The following RARB variants were observed in gnomAD, a reference collection of about 807,000 sequenced individuals.
The protein encoded by RARB is HBV-activated protein.
A neutral mutation model predicts 51.9 loss-of-function variants in RARB; 17 were observed. That is an observed-to-expected ratio of 0.33 (90% CI 0.22 to 0.49). The LOEUF (loss-of-function observed/expected upper bound fraction) is 0.49. Ranked by LOEUF, RARB falls within the 20% of genes least tolerant of loss-of-function variation. The pLI, the probability that RARB is intolerant of heterozygous loss-of-function variation, is 0.99. For missense variants in RARB, 369 were observed against 550.8 expected, an observed-to-expected ratio of 0.67 and a Z score of 3.30; for synonymous variants, 215 against 195.4, an observed-to-expected ratio of 1.10 and a Z score of -0.84.
chr3:24,830,766 C>G (rs1226777333), intron 1 of RARB, among the ~76,000 whole-genome samples: 1 of 151,074 alleles, frequency 6.6e-6, no homozygotes, highest in Non-Finnish European at 1.5e-5. Flanking sequence ...GAGGTAGGAG[C>G]GGGAGAAAGA....
At chr3:25,395,901 C>A (rs1707100994) in intron 5 of RARB, among the ~76,000 whole-genome samples, 1 of 152,120 alleles carries the variant, frequency 6.6e-6, no homozygotes, top group Non-Finnish European at 1.5e-5. Flanking sequence ...TGCTGGTGAA[C>A]TAGTGTGATC....
intron 2 of RARB, among the ~76,000 whole-genome samples, chr3:24,911,425 G>A (rs1197719190): frequency 6.6e-6 from 1 of 152,170 alleles, no homozygotes; most frequent in Non-Finnish European, 1.5e-5. Flanking sequence ...GCTGACATCT[G>A]AAAGAAAACT....
intron 5 of RARB, among the ~76,000 whole-genome samples, chr3:25,197,554 A>G (rs1575212161): frequency 6.6e-6 from 1 of 152,070 alleles, no homozygotes; most frequent in Admixed American, 6.6e-5. Flanking sequence ...TAAAAACTCC[A>G]CCAAAAAACT....
chr3:25,012,050 T>G (rs1697410286), intron 2 of RARB, among the ~76,000 whole-genome samples: 2 of 152,112 alleles, frequency 1.3e-5, no homozygotes, highest in African/African-American at 4.8e-5. Flanking sequence ...GTACTTTTAA[T>G]TCAACATATA....
chr3:24,862,434 T>C (rs1702769632), intron 2 of RARB, among the ~76,000 whole-genome samples: 1 of 152,296 alleles, frequency 6.6e-6, no homozygotes, highest in East Asian at 1.9e-4. Flanking sequence ...TCCACAGTTC[T>C]GGTTACCCAT....
rs115832228 is a variant in RARB, at chr3:25,288,303, T to C, written c.178+113728T>C. ...ATAAAAACAGCAGCAAAAGAAATCA[T>C]CTAGTGAAACTTTGGAACTGAGTTC... On this transcript the variant is annotated intron_variant, in intron 5 of 11. Transcript: ENST00000383772. Among the ~76,000 whole-genome samples the C allele has an allele frequency of 6.3e-3, 963 of 152,242 alleles. 12 individuals are homozygous for C. The highest frequency in any genetic ancestry group is 0.021 in the African/African-American group (857 of 41,536).
intron 3 of RARB, among the ~76,000 whole-genome samples, chr3:25,504,323 C>G (rs1055421128): frequency 3.3e-5 from 5 of 152,088 alleles, no homozygotes; most frequent in Non-Finnish European, 7.4e-5. Context: ...ATCTATTGAC[C>G]CAGCAAAAAG....
chr3:25,186,655 G>T (rs528320613), intron 5 of RARB, among the ~76,000 whole-genome samples: 1 of 152,040 alleles, frequency 6.6e-6, no homozygotes, highest in Non-Finnish European at 1.5e-5. Context: ...GAATGGAAAT[G>T]AATGAAATGA....
At chr3:24,922,869 A>G (rs1333605942) in intron 2 of RARB, among the ~76,000 whole-genome samples, 1 of 152,210 alleles carries the variant, frequency 6.6e-6, no homozygotes, top group Non-Finnish European at 1.5e-5. Context: ...AGACCCTTAG[A>G]GTCTTCATGG....
At chr3:24,984,703 C>T (rs1696749990) in intron 2 of RARB, among the ~76,000 whole-genome samples, 1 of 152,126 alleles carries the variant, frequency 6.6e-6, no homozygotes, top group African/African-American at 2.4e-5. Context: ...GTTAATAATA[C>T]TGTATATTAT....
At chr3:25,205,331 T>C (rs1422566202) in intron 5 of RARB, among the ~76,000 whole-genome samples, 2 of 152,118 alleles carry the variant, frequency 1.3e-5, no homozygotes, top group African/African-American at 2.4e-5. Context: ...GTCACCCCTT[T>C]CCTTGGCTAG....
intron 5 of RARB, among the ~76,000 whole-genome samples, chr3:25,283,935 G>C (rs1204756096): frequency 6.6e-6 from 1 of 152,200 alleles, no homozygotes; most frequent in Non-Finnish European, 1.5e-5. Context: ...TACACATGGA[G>C]TGGACCTAGT....
chr3:25,461,666 G>C (rs1575426296), intron 2 of RARB, among the ~76,000 whole-genome samples: 3 of 152,258 alleles, frequency 2.0e-5, no homozygotes, highest in Middle Eastern at 6.8e-3. Context: ...AGGCCAAGGT[G>C]CGCAATCACT....
At chr3:25,013,029 T>C (rs746402063) in intron 2 of RARB, among the ~76,000 whole-genome samples, 46 of 152,128 alleles carry the variant, frequency 3.0e-4, no homozygotes, top group Non-Finnish European at 5.9e-5. Flanking sequence ...TAGATGCACA[T>C]GTAAGGAATC....
intron 2 of RARB, among the ~76,000 whole-genome samples, chr3:24,903,943 A>G (rs906086223): frequency 2.0e-5 from 3 of 152,176 alleles, no homozygotes; most frequent in Admixed American, 2.0e-4. Flanking sequence ...TAAAAACCAT[A>G]TTTCTGAAGG....
At chr3:25,541,589 G>A (rs1396686603) in intron 3 of RARB, among the ~76,000 whole-genome samples, 1 of 152,154 alleles carries the variant, frequency 6.6e-6, no homozygotes, top group Admixed American at 6.5e-5. Context: ...GTGAAAAAGT[G>A]GATGCCCCTG....
At chr3:25,559,598 A>G (rs1205218709) in intron 3 of RARB, among the ~76,000 whole-genome samples, 1 of 152,236 alleles carries the variant, frequency 6.6e-6, no homozygotes, top group Non-Finnish European at 1.5e-5. Flanking sequence ...TGGCAAACAA[A>G]GTGTAAGTGC....
At chr3:25,145,740 G>T (rs1001887510) in intron 4 of RARB, among the ~76,000 whole-genome samples, 3 of 152,022 alleles carry the variant, frequency 2.0e-5, no homozygotes, top group African/African-American at 7.3e-5. Flanking sequence ...CAGGCATGGT[G>T]GCCCACACCT....
At chr3:25,234,455 A>G (rs1702256241) in intron 5 of RARB, among the ~76,000 whole-genome samples, 1 of 152,114 alleles carries the variant, frequency 6.6e-6, no homozygotes, top group Non-Finnish European at 1.5e-5. Flanking sequence ...ATCCTTTTAA[A>G]AACACAGCTT....
Sources: gnomAD v4.1 joint callset for allele counts (sites outside exome capture counted in the v4.1 genomes callset) on GRCh38, gnomAD v4.1.1 for gene constraint, MANE v1.5 for transcripts, NCBI Gene and HGNC (gene_info 2026-07-23, HGNC 2026-07-21) for gene names.